Variants in TRPC5 observed in about 807,000 individuals in gnomAD.
TRPC5 encodes short transient receptor potential channel 5.
Under a neutral mutation model 56.5 loss-of-function variants are expected in TRPC5, and 9 were observed. The observed-to-expected ratio is 0.16, with a 90% CI of 0.10 to 0.28. TRPC5 has a LOEUF of 0.28. Among genes scored for constraint, TRPC5 ranks in the 10% least tolerant of loss-of-function variants. The pLI, the probability that TRPC5 is intolerant of heterozygous loss-of-function variation, is 1.00. For synonymous variants in TRPC5, 282 were observed against 278.5 expected, an observed-to-expected ratio of 1.01 and a Z score of -0.13; for missense variants, 469 against 748.9, an observed-to-expected ratio of 0.63 and a Z score of 4.36.
chrX:112,034,648 T>A (rs1929681487), intron 1 of TRPC5, among the ~76,000 whole-genome samples: 1 of 110,595 alleles, frequency 9.0e-6, no homozygotes, highest in Admixed American at 9.7e-5. Flanking sequence ...TCTCATTTAG[T>A]CATAGTGTAT....
intron 1 of TRPC5, among the ~76,000 whole-genome samples, chrX:112,028,802 C>G (rs189878687): frequency 1.8e-4 from 20 of 111,605 alleles, no homozygotes; most frequent in African/African-American, 4.6e-4. Flanking sequence ...GTAATGGGAT[C>G]GCTGGGTCAA....
chrX:111,787,270 C>A (rs942379442), intron 7 of TRPC5, among the ~76,000 whole-genome samples: 7 of 111,821 alleles, frequency 6.3e-5, no homozygotes, highest in Non-Finnish European at 1.3e-4. Context: ...AACTGCACAA[C>A]TACATGGAAA....
chrX:111,983,208 G>A (rs1928126481), intron 1 of TRPC5, among the ~76,000 whole-genome samples: 1 of 111,656 alleles, frequency 9.0e-6, no homozygotes, highest in Non-Finnish European at 1.9e-5. Context: ...TTTGCAGGAG[G>A]TATTGGTCCC....
intron 1 of TRPC5, among the ~76,000 whole-genome samples, chrX:111,953,577 C>T (rs1381307175): frequency 8.9e-6 from 1 of 112,021 alleles, no homozygotes; most frequent in Non-Finnish European, 1.9e-5. Flanking sequence ...GTTGGCTCCA[C>T]TTTTCCCCTC....
At chrX:111,788,316 A>G (rs1184867887) in intron 7 of TRPC5, among the ~76,000 whole-genome samples, 1 of 111,912 alleles carries the variant, frequency 8.9e-6, no homozygotes, top group African/African-American at 3.2e-5. Flanking sequence ...CAAAAACCAC[A>G]TGATTATCTC....
intron 1 of TRPC5, among the ~76,000 whole-genome samples, chrX:112,078,488 T>C (rs1336813707): frequency 9.0e-6 from 1 of 111,663 alleles, no homozygotes; most frequent in Non-Finnish European, 1.9e-5. Flanking sequence ...TTCTACTCTC[T>C]AGACTTCAAT....
At chrX:111,822,285 A>C (rs188825084) in intron 7 of TRPC5, among the ~76,000 whole-genome samples, 27 of 111,788 alleles carry the variant, frequency 2.4e-4, no homozygotes, top group African/African-American at 8.5e-4. Flanking sequence ...GGGATTGGAC[A>C]TACTCATTTA....
intron 7 of TRPC5, among the ~76,000 whole-genome samples, chrX:111,810,857 A>C (rs1316336005): frequency 8.9e-6 from 1 of 112,249 alleles, no homozygotes; most frequent in Non-Finnish European, 1.9e-5. Flanking sequence ...TTAAAGGACA[A>C]CTAAATTCAG....
chrX:111,981,244 T>A lies in TRPC5; in HGVS notation c.-21-28803A>T, dbSNP rs749362644. Among the ~76,000 whole-genome samples, 3 of 109,871 alleles carry A rather than the reference T, an allele frequency of 2.7e-5. No homozygotes were observed. In the East Asian group the frequency reaches 8.6e-4, roughly 32 times the overall value. ...AGCAGGCTTGAGACCCCTAAAAAGCTGATGTTTCAGTTCAAGTTCAAAGGC... is the reference window on the plus strand; with the variant it reads ...AGCAGGCTTGAGACCCCTAAAAAGCAGATGTTTCAGTTCAAGTTCAAAGGC... On this transcript the variant is annotated intron_variant, in intron 1 of 10. Transcript: ENST00000262839.
chrX:111,851,488 T>C (rs1313963066), intron 5 of TRPC5, among the ~76,000 whole-genome samples: 1 of 107,066 alleles, frequency 9.3e-6, no homozygotes, highest in African/African-American at 3.5e-5. Flanking sequence ...AGCTGAATGT[T>C]GTGTGGGAAA....
intron 1 of TRPC5, among the ~76,000 whole-genome samples, chrX:111,965,408 A>G: frequency 8.9e-6 from 1 of 111,958 alleles, no homozygotes. Context: ...AACATTAGAC[A>G]GATCAACGAG....
rs373240604 is a variant in TRPC5 at position 111,881,649 on chromosome X, T to C, written c.901-27543A>G. Reference sequence around the variant, plus strand: ...AATTCAGGGTTTGCTTGCTGTTTTATACTATAAATACATCTGGTTGCAAAG... The same window carrying C: ...AATTCAGGGTTTGCTTGCTGTTTTACACTATAAATACATCTGGTTGCAAAG... On this transcript the variant is annotated intron_variant, in intron 3 of 10. Coordinates refer to ENST00000262839, the MANE Select transcript of TRPC5 (RefSeq NM_012471.3). 1.3e-4 allele frequency among the ~76,000 whole-genome samples: 15 copies of C among 111,256 alleles called. No homozygotes were observed. The South Asian group carries it at 5.4e-3, about 40-fold the overall frequency.
At chrX:111,852,816 T>C (rs1190329793) in intron 4 of TRPC5, among the ~76,000 whole-genome samples, 1 of 111,931 alleles carries the variant, frequency 8.9e-6, no homozygotes, top group Admixed American at 9.5e-5. Context: ...TAGTTTCCAC[T>C]GGGTTCAGGA....
chrX:111,929,606 T>A (rs995484628), intron 2 of TRPC5, among the ~76,000 whole-genome samples: 11 of 112,429 alleles, frequency 9.8e-5, no homozygotes, highest in African/African-American at 3.5e-4. Context: ...CACTGTGGTT[T>A]TTATATTTAC....
chrX:111,825,589 C>A (rs918067891), intron 7 of TRPC5, among the ~76,000 whole-genome samples: 1 of 110,903 alleles, frequency 9.0e-6, no homozygotes, highest in African/African-American at 3.3e-5. Flanking sequence ...AGATTTAATG[C>A]GGGGATTGGT....
rs750111695 is a variant in TRPC5, at chrX:111,794,812, A to G, written c.1897-12674T>C. On this transcript the variant is annotated intron_variant, in intron 7 of 10. Transcript: ENST00000262839. The stretch of plus-strand genomic sequence containing the variant: ...TTCCATTCAAGAAGACTGTGCCCTT[A>G]TAATCTTACCATCTCCCAAAGGCCC... 5.2e-4 allele frequency among the ~76,000 whole-genome samples: 58 copies of G among 111,634 alleles called. 1 individual carries two copies. Among genetic ancestry groups the G allele is most frequent in the Admixed American group, 4.9e-3 (51 of 10,453 alleles).
intron 7 of TRPC5, among the ~76,000 whole-genome samples, chrX:111,792,282 G>T (rs964573913): frequency 9.1e-6 from 1 of 110,102 alleles, no homozygotes; most frequent in African/African-American, 3.3e-5. Context: ...ACAGAGAGGG[G>T]AACATCACAT....
chrX:111,948,166 C>T (rs1328667088), intron 2 of TRPC5, among the ~76,000 whole-genome samples: 1 of 110,986 alleles, frequency 9.0e-6, no homozygotes, highest in African/African-American at 3.3e-5. Flanking sequence ...TTGAGGTATT[C>T]CAATTTTGAT....
At chrX:111,843,968 G>A (rs760779839) in intron 6 of TRPC5, among the ~76,000 whole-genome samples, 5 of 106,495 alleles carry the variant, frequency 4.7e-5, no homozygotes, top group Non-Finnish European at 7.7e-5. Flanking sequence ...AAGAGAGAGA[G>A]GTATTCAAGG....
Sources: allele counts gnomAD v4.1 joint callset (sites outside exome capture counted in the v4.1 genomes callset), GRCh38; gene constraint gnomAD v4.1.1; transcripts MANE v1.5; gene names NCBI Gene and HGNC (gene_info 2026-07-23, HGNC 2026-07-21).